GNB1L: variants seen among roughly 807,000 people sequenced by gnomAD.
The protein encoded by GNB1L is G protein subunit beta 1 like, also known as guanine nucleotide-binding protein subunit beta-like protein 1.
GNB1L carries 20 observed loss-of-function variants against 29.1 expected under a neutral mutation model. The ratio of observed to expected loss-of-function variants is 0.69; its 90% CI spans 0.48 to 1.00. The LOEUF (loss-of-function observed/expected upper bound fraction) is 1.00. GNB1L is among the 50% of genes least tolerant of loss of function. GNB1L has a pLI of 0.00. For synonymous variants in GNB1L, 193 were observed against 206.5 expected, an observed-to-expected ratio of 0.93 and a Z score of 0.56; for missense variants, 421 against 464.9, an observed-to-expected ratio of 0.91 and a Z score of 0.87.
At chr22:19,799,132 C>T (rs138855243) in intron 7 of GNB1L, among the ~76,000 whole-genome samples, 45 of 152,362 alleles carry the variant, frequency 3.0e-4, no homozygotes, top group African/African-American at 9.9e-4. Flanking sequence ...GGGAGAGCCA[C>T]GGTTGGTCCA....
intron 2 of GNB1L, among the ~76,000 whole-genome samples, chr22:19,852,673 C>G (rs3788304): frequency 0.16 from 23,895 of 152,126 alleles, 2,351 homozygotes; most frequent in Middle Eastern, 0.24. Flanking sequence ...ATTGCAAGGG[C>G]AAGGCAGAAT....
At chr22:19,814,286 A>C (rs1042502228) in intron 4 of GNB1L, among the ~76,000 whole-genome samples, 4 of 152,162 alleles carry the variant, frequency 2.6e-5, no homozygotes, top group African/African-American at 9.7e-5. Context: ...ATGGATGCTA[A>C]AATCAGCGGC....
At chr22:19,792,416 C>T (rs182715771) in intron 7 of GNB1L, 33 of 1,543,502 alleles carry the variant, frequency 2.1e-5, no homozygotes, top group East Asian at 6.7e-5. Context: ...ATTTTGGCAT[C>T]GGACAGGACA....
At chr22:19,820,873 C>T (rs1446576532) in intron 3 of GNB1L, 150 bp from the exon 4 acceptor site, 10 of 931,324 alleles carry the variant, frequency 1.1e-5, no homozygotes, top group East Asian at 2.5e-5. Flanking sequence ...AAGGGCCAAA[C>T]TGGCAAAGCA....
chr22:19,832,937 C>T (rs80186424), intron 2 of GNB1L, among the ~76,000 whole-genome samples: 1 of 152,318 alleles, frequency 6.6e-6, no homozygotes, highest in South Asian at 2.1e-4. Context: ...ATGTGCGAGA[C>T]AGAACCAAAG....
At chr22:19,806,599 G>A (rs28564111) in intron 6 of GNB1L, 60 bp downstream of exon 6, 2 of 1,027,244 alleles carry the variant, frequency 1.9e-6, no homozygotes, top group East Asian at 4.9e-5. Flanking sequence ...CCTGAATGGA[G>A]CATGACTCAT....
At chr22:19,847,607 T>TC (rs1937990439) in intron 2 of GNB1L, 1 of 978,562 alleles carries the variant, frequency 1.0e-6, no homozygotes, top group African/African-American at 1.8e-5. Context: ...AACCCCCATG[T>TC]AGTGGTACCG....
intron 7 of GNB1L, among the ~76,000 whole-genome samples, chr22:19,796,384 G>A (rs552117862): frequency 7.0e-4 from 107 of 152,352 alleles, no homozygotes; most frequent in Non-Finnish European, 1.4e-3. Flanking sequence ...TGGCGCCCAC[G>A]TGTGCAGCGG....
intron 2 of GNB1L, among the ~76,000 whole-genome samples, chr22:19,854,122 C>T (rs1023534197): frequency 3.3e-5 from 5 of 152,222 alleles, no homozygotes; most frequent in Admixed American, 1.3e-4. Context: ...AGCCCTCCCA[C>T]GCCTATCAGT....
chr22:19,798,273 C>T (rs898564190), intron 7 of GNB1L, among the ~76,000 whole-genome samples: 9 of 152,228 alleles, frequency 5.9e-5, no homozygotes, highest in Non-Finnish European at 1.3e-4. Flanking sequence ...GACCCAGGAG[C>T]CCCTCCCCAG....
In GNB1L at chr22:19,784,015, A is replaced by T. The variant is rs993229347; in HGVS notation, c.*4694T>A. 5.9e-5 allele frequency: 9 copies of T among 152,208 alleles called. No homozygotes were observed. The highest frequency in any genetic ancestry group is 2.2e-4 in the African/African-American group (9 of 41,430). The allele number at this position is 152,208 out of a possible 1,614,324, so 9.4% of individuals were successfully genotyped here. A position where few individuals can be genotyped will look rare whatever the true frequency, so the allele number is the denominator to read the frequency against. On this transcript the variant is annotated 3_prime_UTR_variant, in exon 8 of 8. Coordinates refer to ENST00000329517, the MANE Select transcript of GNB1L (RefSeq NM_053004.3). ...GGGGGACCGTGCAGCAGCTGTGCCC[A>T]CCTAGGACCACAGGGCTGGTGGGGC... is the stretch of plus-strand genomic sequence containing the variant.
chr22:19,838,953 A>G (rs1171965020), intron 2 of GNB1L, among the ~76,000 whole-genome samples: 1 of 152,238 alleles, frequency 6.6e-6, no homozygotes, highest in Non-Finnish European at 1.5e-5. Context: ...CCAAATGACC[A>G]TCTATGGATG....
chr22:19,850,951 C>T (rs1214427955), intron 2 of GNB1L: 2 of 1,373,902 alleles, frequency 1.5e-6, no homozygotes, highest in South Asian at 2.0e-5. Flanking sequence ...AGAGAGCCAG[C>T]AGCAGGGAAA....
intron 4 of GNB1L, among the ~76,000 whole-genome samples, chr22:19,814,764 G>A (rs1195474655): frequency 6.6e-6 from 1 of 152,206 alleles, no homozygotes; most frequent in Non-Finnish European, 1.5e-5. Context: ...CTTCAAAAGT[G>A]TCAGCTAGGT....
intron 4 of GNB1L, among the ~76,000 whole-genome samples, chr22:19,815,496 G>A (rs892524650): frequency 1.2e-4 from 18 of 152,234 alleles, no homozygotes; most frequent in African/African-American, 3.9e-4. Flanking sequence ...CAAGGGAGGG[G>A]AGGTGTGGCT....
intron 2 of GNB1L, among the ~76,000 whole-genome samples, chr22:19,852,786 C>T (rs1040236248): frequency 6.6e-6 from 1 of 152,130 alleles, no homozygotes; most frequent in Non-Finnish European, 1.5e-5. Flanking sequence ...CCATTTGTGC[C>T]ACCTCCCCCA....
chr22:19,806,016 A>G (rs1014789446), intron 6 of GNB1L, among the ~76,000 whole-genome samples: 3 of 152,102 alleles, frequency 2.0e-5, no homozygotes, highest in Admixed American at 2.0e-4. Flanking sequence ...GAGGGAGGAG[A>G]CTGGCCTCGA....
intron 4 of GNB1L, among the ~76,000 whole-genome samples, chr22:19,819,931 G>T (rs945450692): frequency 6.6e-6 from 1 of 152,148 alleles, no homozygotes; most frequent in Admixed American, 6.5e-5. Flanking sequence ...CCCCGCCCCT[G>T]GCCACTCAGC....
In GNB1L at chr22:19,821,388, G is replaced by A. The variant is rs1169352840; in HGVS notation, c.-20-13C>T. 2.5e-6 allele frequency: 4 copies of A among 1,608,138 alleles called. No individual in the cohort carries two copies. Among genetic ancestry groups the A allele is most frequent in the Admixed American group, 1.7e-5 (1 of 59,914 alleles). On this transcript the variant is annotated splice_polypyrimidine_tract_variant and intron_variant, in intron 2 of 7. Transcript: ENST00000329517. ...AGGATGCAGTTACCTGGGCACCAAG[G>A]GAGGGCGTGTGAGTGACTGCGTCCC...
Sources: gnomAD v4.1 joint callset for allele counts (sites outside exome capture counted in the v4.1 genomes callset) on GRCh38, gnomAD v4.1.1 for gene constraint, MANE v1.5 for transcripts, NCBI Gene and HGNC (gene_info 2026-07-23, HGNC 2026-07-21) for gene names.